The following PAK1 variants were observed in gnomAD, a reference collection of about 807,000 sequenced individuals.
PAK1 encodes the protein p21 (RAC1) activated kinase 1, also known as serine/threonine-protein kinase PAK 1.
In PAK1, 29 loss-of-function variants were observed where a neutral mutation model predicts 67.4. That is an observed-to-expected ratio of 0.43 (90% CI 0.32 to 0.59). PAK1 has a LOEUF of 0.59. Among genes scored for constraint, PAK1 ranks in the 20% least tolerant of loss-of-function variants. The pLI is 0.07. For missense variants in PAK1, 337 were observed against 670.7 expected (o/e 0.50, Z 5.50); for synonymous variants, 223 against 237.4 (o/e 0.94, Z 0.56).
intron 1 of PAK1, among the ~76,000 whole-genome samples, chr11:77,472,081 A>G (rs779067751): frequency 1.3e-5 from 2 of 152,198 alleles, no homozygotes; most frequent in South Asian, 4.1e-4. Flanking sequence ...AAGACAGGGA[A>G]TATCTTAATA....
chr11:77,365,736 G>A (rs1591973238), intron 5 of PAK1, among the ~76,000 whole-genome samples: 1 of 152,072 alleles, frequency 6.6e-6, no homozygotes, highest in Non-Finnish European at 1.5e-5. Context: ...GGGCGGCTGA[G>A]GCAAGAGAAT....
chr11:77,486,674 A>G, the PAK1 span, among the ~76,000 whole-genome samples: 1 of 152,182 alleles, frequency 6.6e-6, no homozygotes, highest in Non-Finnish European at 1.5e-5. Context: ...ATTGGAACTC[A>G]CTGCCACCCT....
chr11:77,501,831 C>G, the PAK1 span, among the ~76,000 whole-genome samples: 2 of 152,186 alleles, frequency 1.3e-5, no homozygotes. Flanking sequence ...AACTGGATAC[C>G]TGGGTTTTCT....
chr11:77,522,462 T>G, the PAK1 span, among the ~76,000 whole-genome samples: 3 of 152,204 alleles, frequency 2.0e-5, no homozygotes, highest in African/African-American at 7.2e-5. Flanking sequence ...TTTCTCCAAT[T>G]GCATCCTGTT....
At chr11:77,510,822 G>A in the PAK1 span, among the ~76,000 whole-genome samples, 3 of 152,184 alleles carry the variant, frequency 2.0e-5, no homozygotes, top group African/African-American at 4.8e-5. Context: ...TCATCTTTAT[G>A]AGAATACTAA....
the PAK1 span, among the ~76,000 whole-genome samples, chr11:77,488,962 G>A: frequency 1.3e-5 from 2 of 152,068 alleles, no homozygotes; most frequent in African/African-American, 2.4e-5. Flanking sequence ...TAGAACACCA[G>A]GTAGATTTAG....
At chr11:77,488,476 T>C in the PAK1 span, among the ~76,000 whole-genome samples, 2 of 152,140 alleles carry the variant, frequency 1.3e-5, no homozygotes, top group Non-Finnish European at 2.9e-5. Flanking sequence ...CCCAGAGTAA[T>C]AGAGATATGT....
intron 9 of PAK1, among the ~76,000 whole-genome samples, chr11:77,346,099 G>A (rs762584002): frequency 1.1e-4 from 17 of 152,040 alleles, no homozygotes; most frequent in African/African-American, 3.9e-4. Context: ...TCAGCCTCCC[G>A]TGTAGCTGGG....
At chr11:77,434,052 G>A (rs1275252043) in intron 1 of PAK1, among the ~76,000 whole-genome samples, 2 of 151,810 alleles carry the variant, frequency 1.3e-5, no homozygotes, top group Non-Finnish European at 2.9e-5. Context: ...ATGTAAAATG[G>A]TACAGCCCCT....
chr11:77,399,642 G>A (rs1952347108), intron 1 of PAK1, among the ~76,000 whole-genome samples: 1 of 151,612 alleles, frequency 6.6e-6, no homozygotes, highest in African/African-American at 2.4e-5. Flanking sequence ...GGCGGATCAC[G>A]AGGTCAGGAG....
intron 1 of PAK1, among the ~76,000 whole-genome samples, chr11:77,438,236 A>G (rs989485751): frequency 6.6e-6 from 1 of 152,148 alleles, no homozygotes; most frequent in East Asian, 1.9e-4. Flanking sequence ...AGAGGGGTGC[A>G]AGAGGTGCCA....
chr11:77,515,388 G>T, the PAK1 span, among the ~76,000 whole-genome samples: 45 of 152,176 alleles, frequency 3.0e-4, no homozygotes, highest in Non-Finnish European at 4.4e-4. Flanking sequence ...GCATACAGGT[G>T]TATCTTAGCT....
rs1938746619 is a variant in PAK1 at position 77,322,967 on chromosome 11, G to A, written c.*307C>T. On this transcript the variant is annotated 3_prime_UTR_variant, in exon 15 of 15. Transcript: ENST00000356341. ...TGTGGGAGATGGTTATGAAGGAGGT[G>A]AGGATTTTGACACACGGAAGACTAG... 8.4e-6 allele frequency: 5 copies of A among 596,298 alleles called. No individual in the cohort carries two copies. The highest frequency in any genetic ancestry group is 8.9e-6 in the Non-Finnish European group (3 of 336,444). The allele number at this position is 596,298 out of a possible 1,614,324, so 36.9% of individuals were successfully genotyped here. A position where few individuals can be genotyped will look rare whatever the true frequency, so the allele number is the denominator to read the frequency against.
At chr11:77,453,523 A>G (rs534061437) in intron 1 of PAK1, among the ~76,000 whole-genome samples, 1 of 152,138 alleles carries the variant, frequency 6.6e-6, no homozygotes, top group African/African-American at 2.4e-5. Context: ...TATTAAAAAA[A>G]AAAAAAACAA....
chr11:77,330,024 C>G (rs1226458355), intron 14 of PAK1, among the ~76,000 whole-genome samples: 5 of 151,818 alleles, frequency 3.3e-5, no homozygotes, highest in African/African-American at 7.3e-5. Context: ...TGAGTGAACT[C>G]CCATTCACAA....
chr11:77,450,961 G>A (rs1956826877), intron 1 of PAK1, among the ~76,000 whole-genome samples: 1 of 152,150 alleles, frequency 6.6e-6, no homozygotes. Flanking sequence ...TAACAGCAAA[G>A]CTCATACCTT....
intron 10 of PAK1, among the ~76,000 whole-genome samples, chr11:77,341,294 T>C (rs983870666): frequency 6.6e-6 from 1 of 151,580 alleles, no homozygotes; most frequent in African/African-American, 2.4e-5. Flanking sequence ...AATAAATCAC[T>C]GAAAAAATAA....
chr11:77,526,195 C>T, the PAK1 span, among the ~76,000 whole-genome samples: 1 of 152,190 alleles, frequency 6.6e-6, no homozygotes, highest in Non-Finnish European at 1.5e-5. Flanking sequence ...GCTAATCTAA[C>T]GCATTTATTC....
intron 2 of PAK1, among the ~76,000 whole-genome samples, chr11:77,382,116 T>C (rs1027095608): frequency 2.0e-5 from 3 of 152,198 alleles, no homozygotes; most frequent in Non-Finnish European, 4.4e-5. Flanking sequence ...TCTATGCATG[T>C]TTATACATTA....
Sources: allele counts gnomAD v4.1 joint callset (sites outside exome capture counted in the v4.1 genomes callset), GRCh38; gene constraint gnomAD v4.1.1; transcripts MANE v1.5; gene names NCBI Gene and HGNC (gene_info 2026-07-23, HGNC 2026-07-21).